Variants in SNX25 observed in about 807,000 individuals in gnomAD.
The protein encoded by SNX25 is sorting nexin 25.
A neutral mutation model predicts 113.7 loss-of-function variants in SNX25; 62 were observed. That is an observed-to-expected ratio of 0.55 (90% CI 0.44 to 0.67). SNX25 has a LOEUF of 0.67. Ranked by LOEUF, SNX25 falls within the 30% of genes least tolerant of loss-of-function variation. The pLI is 0.00. For missense variants in SNX25, 1,014 were observed against 1,161.0 expected (o/e 0.87, Z 1.84); for synonymous variants, 421 against 436.2 (o/e 0.97, Z 0.43).
intron 1 of SNX25, among the ~76,000 whole-genome samples, chr4:185,224,516 TAA>T (rs1740608235): frequency 1.6e-5 from 2 of 125,992 alleles, no homozygotes; most frequent in East Asian, 4.2e-4. Flanking sequence ...TATAGATATA[TAA>T]ATATATATAC....
At chr4:185,219,081 A>G (rs986116664) in intron 1 of SNX25, among the ~76,000 whole-genome samples, 2 of 152,086 alleles carry the variant, frequency 1.3e-5, no homozygotes, top group Non-Finnish European at 2.9e-5. Context: ...TCCCTGTGCT[A>G]TGCCGCCACT....
At chr4:185,348,534 A>G (rs1303978523) in intron 13 of SNX25, among the ~76,000 whole-genome samples, 2 of 152,064 alleles carry the variant, frequency 1.3e-5, no homozygotes, top group Non-Finnish European at 2.9e-5. Flanking sequence ...CTGGGATTAC[A>G]GACAGGCTCA....
chr4:185,351,670 C>T, intron 14 of SNX25, 61 bp downstream of exon 14: 12 of 1,552,128 alleles, frequency 7.7e-6, no homozygotes, highest in Non-Finnish European at 1.1e-5. Context: ...TAAGCTCATG[C>T]TCCTCATGGG....
At chr4:185,239,679 C>T (rs1231119599) in intron 1 of SNX25, among the ~76,000 whole-genome samples, 1 of 136,572 alleles carries the variant, frequency 7.3e-6, no homozygotes, top group East Asian at 2.3e-4. Context: ...TTTTTTAAAT[C>T]TTTTTTATGC....
At chr4:185,370,429 G>T (rs2095410962), downstream of SNX25, among the ~76,000 whole-genome samples, 1 of 152,088 alleles carries the variant, frequency 6.6e-6, no homozygotes, top group South Asian at 2.1e-4. Flanking sequence ...CATCAAAATA[G>T]GACTTTTAAT....
chr4:185,248,067 T>C (rs1448942617), intron 2 of SNX25, among the ~76,000 whole-genome samples: 1 of 152,198 alleles, frequency 6.6e-6, no homozygotes, highest in African/African-American at 2.4e-5. Context: ...ACAAGTGATA[T>C]GTACATATAT....
chr4:185,278,493 C>T (rs981969489), intron 5 of SNX25, among the ~76,000 whole-genome samples: 9 of 51,230 alleles, frequency 1.8e-4, no homozygotes, highest in Non-Finnish European at 2.6e-4. Context: ...AATGAAATGA[C>T]GCATGGAATG....
intron 5 of SNX25, among the ~76,000 whole-genome samples, chr4:185,275,827 AG>A (rs1749591996): frequency 6.6e-6 from 1 of 152,230 alleles, no homozygotes; most frequent in Non-Finnish European, 1.5e-5. Context: ...GTGGACAAGG[AG>A]ATGAAAAATC....
chr4:185,331,385 C>G (rs2095193830), intron 9 of SNX25, among the ~76,000 whole-genome samples: 1 of 152,100 alleles, frequency 6.6e-6, no homozygotes, highest in African/African-American at 2.4e-5. Flanking sequence ...CCTCAATGCC[C>G]AGCATTGTAC....
intron 1 of SNX25, among the ~76,000 whole-genome samples, chr4:185,235,109 T>C (rs1206080572): frequency 1.3e-5 from 2 of 152,248 alleles, no homozygotes; most frequent in Non-Finnish European, 2.9e-5. Context: ...TCTATCTTAA[T>C]AGAGAATTGT....
chr4:185,240,623 G>C (rs1238337878), intron 1 of SNX25, among the ~76,000 whole-genome samples: 1 of 137,912 alleles, frequency 7.3e-6, no homozygotes, highest in Admixed American at 7.1e-5. Flanking sequence ...CTCACCTCCC[G>C]GACGGAGCGG....
chr4:185,269,736 T>TTTG (rs1055163247), intron 5 of SNX25, among the ~76,000 whole-genome samples: 4 of 152,052 alleles, frequency 2.6e-5, no homozygotes, highest in African/African-American at 7.2e-5. Context: ...TTGTTGTTGT[T>TTTG]TTGTTGTTGT....
intron 1 of SNX25, among the ~76,000 whole-genome samples, chr4:185,235,912 G>GA (rs1356198848): frequency 6.6e-6 from 1 of 152,120 alleles, no homozygotes; most frequent in Non-Finnish European, 1.5e-5. Flanking sequence ...GCTAGGGGCC[G>GA]AAGAGAGAGT....
At chr4:185,213,121 A>C (rs751783712) in intron 1 of SNX25, among the ~76,000 whole-genome samples, 32 of 152,216 alleles carry the variant, frequency 2.1e-4, no homozygotes, top group Admixed American at 6.5e-5. Flanking sequence ...ATCAAGTGTA[A>C]ACTGCCTGTG....
At chr4:185,223,675 G>A (rs905191427) in intron 1 of SNX25, among the ~76,000 whole-genome samples, 23 of 151,912 alleles carry the variant, frequency 1.5e-4, no homozygotes, top group African/African-American at 5.6e-4. Context: ...CAGGTACTCA[G>A]GAGGCTGAGG....
intron 3 of SNX25, among the ~76,000 whole-genome samples, chr4:185,262,505 C>A (rs555341254): frequency 6.6e-6 from 1 of 151,992 alleles, no homozygotes; most frequent in Non-Finnish European, 1.5e-5. Flanking sequence ...TCTTTTTCAT[C>A]TTTGTAATTT....
At chr4:185,290,937 G>C (rs1030268976) in intron 6 of SNX25, among the ~76,000 whole-genome samples, 1 of 152,162 alleles carries the variant, frequency 6.6e-6, no homozygotes, top group Non-Finnish European at 1.5e-5. Flanking sequence ...TTACGAACGT[G>C]GTCAGGAATT....
intron 5 of SNX25, among the ~76,000 whole-genome samples, chr4:185,274,354 CAGCCA>C (rs1321898792): frequency 6.6e-6 from 1 of 152,180 alleles, no homozygotes; most frequent in Non-Finnish European, 1.5e-5. Context: ...CCACCATGCC[CAGCCA>C]ACACTGGCTG....
intron 17 of SNX25, 170 bp from the exon 18 acceptor site, chr4:185,362,441 T>C (rs1338812504): frequency 7.3e-6 from 6 of 824,746 alleles, no homozygotes; most frequent in Non-Finnish European, 8.8e-6. Flanking sequence ...ATAAGTGCCT[T>C]ATGTTGAAAC....
Sources: gnomAD v4.1 joint callset for allele counts (sites outside exome capture counted in the v4.1 genomes callset) on GRCh38, gnomAD v4.1.1 for gene constraint, MANE v1.5 for transcripts, NCBI Gene and HGNC (gene_info 2026-07-23, HGNC 2026-07-21) for gene names.